TSHR: variants seen among roughly 807,000 people sequenced by gnomAD.
TSHR encodes thyrotropin receptor.
TSHR carries 51 observed loss-of-function variants against 64.1 expected under a neutral mutation model. The observed-to-expected ratio is 0.80, with a 90% confidence interval of 0.64 to 1.01. The LOEUF is 1.01. Ranked by LOEUF, TSHR falls within the 50% of genes least tolerant of loss-of-function variation. The pLI, the probability that TSHR is intolerant of heterozygous loss-of-function variation, is 0.00. For missense variants in TSHR, 877 were observed against 942.8 expected (o/e 0.93, Z 0.91); for synonymous variants, 361 against 361.9 (o/e 1.00, Z 0.03).
intron 1 of TSHR, among the ~76,000 whole-genome samples, chr14:80,974,557 C>A (rs548876884): frequency 1.3e-5 from 2 of 152,092 alleles, no homozygotes; most frequent in Non-Finnish European, 2.9e-5. Context: ...ACCCTCAATC[C>A]CTGGAATCTA....
intron 1 of TSHR, chr14:81,051,810 A>G (rs537623201): frequency 6.6e-6 from 1 of 152,158 alleles, no homozygotes; most frequent in African/African-American, 2.4e-5. Flanking sequence ...ATTTTTAACT[A>G]TATCTGTTGG....
intron 3 of TSHR, among the ~76,000 whole-genome samples, chr14:81,077,841 T>C (rs1887610830): frequency 6.6e-6 from 1 of 152,182 alleles, no homozygotes; most frequent in South Asian, 2.1e-4. Context: ...GGCTTTTTAG[T>C]CCTTTGCAAA....
At chr14:81,028,955 G>GAGTCTATT (rs138344934) in intron 1 of TSHR, among the ~76,000 whole-genome samples, 2,195 of 151,766 alleles carry the variant, frequency 0.014, 63 homozygotes, top group African/African-American at 0.05. Context: ...AATAAAAAAG[G>GAGTCTATT]AGTCTATTAT....
At chr14:81,134,783 T>A (rs1891388580) in intron 8 of TSHR, among the ~76,000 whole-genome samples, 1 of 152,138 alleles carries the variant, frequency 6.6e-6, no homozygotes, top group African/African-American at 2.4e-5. Flanking sequence ...GAATAAGTTA[T>A]CCCATAAACA....
At position 81,098,955 on chromosome 14, in the gene TSHR, G is replaced by A. The variant is rs74735523; in HGVS notation, c.614+2248G>A. Among the ~76,000 whole-genome samples the A allele has an allele frequency of 9.2e-3, 1,403 of 152,240 alleles. 25 individuals carry two copies. Among genetic ancestry groups the A allele is most frequent in the African/African-American group, 0.032 (1,315 of 41,520 alleles). On this transcript the variant is annotated intron_variant, in intron 7 of 9. Transcript: ENST00000298171. ...AAATTAACTGCCTGTTTTTCCTGCC[G>A]TATTTAGTCATTGGAAGATATGACC... is the stretch of plus-strand genomic sequence containing the variant.
chr14:81,130,435 T>C, intron 8 of TSHR, among the ~76,000 whole-genome samples: 1 of 152,338 alleles, frequency 6.6e-6, no homozygotes, highest in East Asian at 1.9e-4. Context: ...ATTCTTCTTT[T>C]GGCTTCCAAA....
intron 8 of TSHR, among the ~76,000 whole-genome samples, chr14:81,134,125 T>C (rs1321211501): frequency 6.6e-6 from 1 of 152,094 alleles, no homozygotes; most frequent in Non-Finnish European, 1.5e-5. Flanking sequence ...TTTCATTTTA[T>C]TTTTTATTCT....
At position 81,114,434 on chromosome 14, in the gene TSHR, A is replaced by G. The variant is rs540015091; in HGVS notation, c.692+5982A>G. ...AGGGGTGACAGACGGCAACTGGAAA[A>G]TCGGGTCGCTCCCACCCGAATACTG... On this transcript the variant is annotated intron_variant, in intron 8 of 9. Transcript: ENST00000298171. Among the ~76,000 whole-genome samples, 68 of 152,268 alleles carry G rather than the reference A, an allele frequency of 4.5e-4. 1 individual carries two copies. The highest frequency in any genetic ancestry group is 1.5e-3 in the African/African-American group (64 of 41,554).
intron 8 of TSHR, 78 bp from the exon 9 acceptor site, chr14:81,139,601 G>A (rs1891595936): frequency 6.7e-7 from 1 of 1,489,484 alleles, no homozygotes; most frequent in East Asian, 2.3e-5. Context: ...CCTCAGGCCT[G>A]TTTGAGTTTC....
intron 1 of TSHR, among the ~76,000 whole-genome samples, chr14:81,009,489 T>C (rs553447070): frequency 6.6e-6 from 1 of 152,326 alleles, no homozygotes; most frequent in East Asian, 1.9e-4. Context: ...CTTTGTTTCA[T>C]GTTCATTCTC....
intron 8 of TSHR, among the ~76,000 whole-genome samples, chr14:81,111,143 G>C (rs140628638): frequency 8.7e-4 from 132 of 152,284 alleles, no homozygotes; most frequent in African/African-American, 3.1e-3. Flanking sequence ...GACCAATAGT[G>C]TAGACCAGAA....
chr14:81,076,930 C>T (rs79489491), intron 3 of TSHR, among the ~76,000 whole-genome samples: 1 of 152,202 alleles, frequency 6.6e-6, no homozygotes, highest in African/African-American at 2.4e-5. Context: ...TCATGCTTCA[C>T]TCCTGCACAC....
intron 7 of TSHR, among the ~76,000 whole-genome samples, chr14:81,102,192 A>G (rs796713833): frequency 1.3e-4 from 19 of 151,254 alleles, no homozygotes; most frequent in Admixed American, 1.2e-3. Context: ...AAAAAAAAAA[A>G]CTAAACAATA....
intron 1 of TSHR, among the ~76,000 whole-genome samples, chr14:81,004,976 C>T (rs745531427): frequency 1.1e-4 from 16 of 152,164 alleles, no homozygotes; most frequent in Non-Finnish European, 1.8e-4. Context: ...GAATCCCCAC[C>T]TTAAGGGTGA....
At chr14:81,052,427 C>A (rs184685655) in intron 1 of TSHR, 1 of 152,220 alleles carries the variant, frequency 6.6e-6, no homozygotes, top group Non-Finnish European at 1.5e-5. Context: ...ATGGCAGTAC[C>A]CTGCAGTTTT....
At chr14:80,963,167 T>C (rs545099057) in intron 1 of TSHR, among the ~76,000 whole-genome samples, 1 of 152,342 alleles carries the variant, frequency 6.6e-6, no homozygotes, top group African/African-American at 2.4e-5. Context: ...ACCAAATATA[T>C]ATTGATTATT....
intron 4 of TSHR, 91 bp downstream of exon 4, chr14:81,088,119 T>C (rs1888429099): frequency 9.6e-7 from 1 of 1,037,200 alleles, no homozygotes; most frequent in African/African-American, 1.6e-5. Flanking sequence ...CTAGATGATG[T>C]GGTCCAGGTT....
intron 1 of TSHR, chr14:81,051,935 C>T (rs952407613): frequency 1.3e-5 from 2 of 152,160 alleles, no homozygotes; most frequent in Non-Finnish European, 2.9e-5. Flanking sequence ...ATATGAGTCC[C>T]TTATCAAAAT....
At chr14:81,033,149 A>C (rs568449121) in intron 1 of TSHR, 2 of 390,612 alleles carry the variant, frequency 5.1e-6, no homozygotes, top group African/African-American at 4.4e-5. Context: ...GTGCTATGGA[A>C]ACACTGGAGC....
Sources: allele counts gnomAD v4.1 joint callset (sites outside exome capture counted in the v4.1 genomes callset), GRCh38; gene constraint gnomAD v4.1.1; transcripts MANE v1.5; gene names NCBI Gene and HGNC (gene_info 2026-07-23, HGNC 2026-07-21).